Variants in GMDS observed in about 807,000 individuals in gnomAD.
GMDS encodes GDP-mannose 4,6 dehydratase.
A neutral mutation model predicts 49.9 loss-of-function variants in GMDS; 20 were observed. The observed-to-expected ratio is 0.40, with a 90% confidence interval of 0.28 to 0.58. GMDS has a LOEUF of 0.58. Among genes scored for constraint, GMDS ranks in the 20% least tolerant of loss-of-function variants. The pLI is 0.42. For missense variants in GMDS, 362 were observed against 481.4 expected (o/e 0.75, Z 2.32); for synonymous variants, 177 against 178.6 (o/e 0.99, Z 0.07).
chr6:1,907,623 CCT>C (rs1332755352), intron 7 of GMDS, among the ~76,000 whole-genome samples: 1 of 152,116 alleles, frequency 6.6e-6, no homozygotes, highest in Non-Finnish European at 1.5e-5. Context: ...CAAATAATTT[CCT>C]AAAGCAACCA....
intron 7 of GMDS, among the ~76,000 whole-genome samples, chr6:1,757,451 G>A (rs1284187951): frequency 1.3e-5 from 2 of 152,136 alleles, no homozygotes; most frequent in Non-Finnish European, 2.9e-5. Context: ...TAAAAGCTCT[G>A]GGCATGCAGG....
intron 4 of GMDS, among the ~76,000 whole-genome samples, chr6:2,026,814 C>T (rs1768630299): frequency 6.6e-6 from 1 of 152,050 alleles, no homozygotes; most frequent in African/African-American, 2.4e-5. Context: ...TTAATCAAGC[C>T]GAAATTATAT....
chr6:2,169,621 C>CAA (rs556634869), intron 1 of GMDS, among the ~76,000 whole-genome samples: 3,791 of 73,534 alleles, frequency 0.052, 140 homozygotes, highest in East Asian at 0.21. Flanking sequence ...CACCAGGCAG[C>CAA]AAAAAAAAAA....
intron 4 of GMDS, among the ~76,000 whole-genome samples, chr6:2,097,554 A>G (rs1237880572): frequency 1.3e-5 from 2 of 152,206 alleles, no homozygotes; most frequent in Admixed American, 1.3e-4. Context: ...AACTGCTGTC[A>G]CACACATGCT....
At chr6:1,853,666 G>GCCAC (rs1757814446) in intron 7 of GMDS, among the ~76,000 whole-genome samples, 1 of 152,104 alleles carries the variant, frequency 6.6e-6, no homozygotes, top group South Asian at 2.1e-4. Context: ...AGTAGCCACA[G>GCCAC]AGCCTAATGA....
chr6:2,163,198 C>G (rs1007651508), intron 1 of GMDS, among the ~76,000 whole-genome samples: 2 of 152,074 alleles, frequency 1.3e-5, no homozygotes, highest in Non-Finnish European at 2.9e-5. Context: ...TGAACAGGGA[C>G]TATAAAAATT....
At chr6:1,832,051 G>A (rs1651935924) in intron 7 of GMDS, among the ~76,000 whole-genome samples, 1 of 151,962 alleles carries the variant, frequency 6.6e-6, no homozygotes, top group Non-Finnish European at 1.5e-5. Context: ...ACTAAGTGAA[G>A]GTAGGGTACA....
intron 9 of GMDS, among the ~76,000 whole-genome samples, chr6:1,628,172 T>G (rs759543902): frequency 6.6e-6 from 1 of 152,232 alleles, no homozygotes; most frequent in South Asian, 2.1e-4. Context: ...CTTGTTAAAG[T>G]GAACTGATAA....
chr6:2,145,455 T>C (rs1776505896), intron 1 of GMDS, among the ~76,000 whole-genome samples: 1 of 151,978 alleles, frequency 6.6e-6, no homozygotes, highest in Non-Finnish European at 1.5e-5. Context: ...GGAGAATTGC[T>C]TGAACCCAGG....
intron 4 of GMDS, among the ~76,000 whole-genome samples, chr6:2,063,275 T>C (rs1332863165): frequency 6.6e-6 from 1 of 152,260 alleles, no homozygotes; most frequent in Non-Finnish European, 1.5e-5. Flanking sequence ...TAGTATACTC[T>C]GGTACTTCTG....
chr6:1,795,865 A>T (rs1404279221), intron 7 of GMDS, among the ~76,000 whole-genome samples: 2 of 152,234 alleles, frequency 1.3e-5, no homozygotes, highest in African/African-American at 4.8e-5. Context: ...AAGCACTCAG[A>T]TGAATGCTAA....
chr6:1,688,546 C>A (rs181154666), intron 9 of GMDS, among the ~76,000 whole-genome samples: 1 of 152,240 alleles, frequency 6.6e-6, no homozygotes, highest in Non-Finnish European at 1.5e-5. Context: ...AACCTCTCCA[C>A]GCTCTTCAAA....
chr6:1,829,693 G>A (rs1219597185), intron 7 of GMDS, among the ~76,000 whole-genome samples: 1 of 152,188 alleles, frequency 6.6e-6, no homozygotes, highest in African/African-American at 2.4e-5. Context: ...ACCCTCCTCG[G>A]CCTCCCAAAA....
intron 9 of GMDS, 144 bp from the exon 10 acceptor site, chr6:1,624,684 C>G (rs1172326961): frequency 6.4e-6 from 4 of 628,508 alleles, no homozygotes; most frequent in Non-Finnish European, 1.1e-5. Context: ...CTGCTGTGCG[C>G]GTTCAGTTGC....
intron 7 of GMDS, among the ~76,000 whole-genome samples, chr6:1,853,480 T>A (rs1324951862): frequency 7.6e-6 from 1 of 131,750 alleles, no homozygotes; most frequent in Non-Finnish European, 1.5e-5. Flanking sequence ...ATCGCGCCAC[T>A]GCACTCCAGC....
chr6:2,108,455 G>A (rs1774362367), intron 4 of GMDS, among the ~76,000 whole-genome samples: 1 of 152,012 alleles, frequency 6.6e-6, no homozygotes, highest in Non-Finnish European at 1.5e-5. Flanking sequence ...GTGGATTTCT[G>A]TTGTCTGTAT....
Position 1,921,119 on chromosome 6 carries a change from T to C in GMDS, c.771+8984A>G, listed in dbSNP as rs148189986. On this transcript the variant is annotated intron_variant, in intron 7 of 10. Transcript: ENST00000380815. Reference sequence around the variant, plus strand: ...AGTTTCATAACCCTCATAATCCACGTCCACAGGCACTATACCTAACCCATT... The same window carrying C: ...AGTTTCATAACCCTCATAATCCACGCCCACAGGCACTATACCTAACCCATT... Among the ~76,000 whole-genome samples the C allele has an allele frequency of 3.0e-3, 451 of 152,330 alleles. 4 individuals are homozygous for C. Among genetic ancestry groups the C allele is most frequent in the African/African-American group, 0.01 (426 of 41,578 alleles).
chr6:1,660,648 C>T (rs990112265), intron 9 of GMDS, among the ~76,000 whole-genome samples: 1 of 150,022 alleles, frequency 6.7e-6, no homozygotes, highest in Admixed American at 6.8e-5. Context: ...CTGCGAGACG[C>T]GGGGATGCAG....
chr6:1,776,589 G>A (rs1439741626), intron 7 of GMDS, among the ~76,000 whole-genome samples: 1 of 152,102 alleles, frequency 6.6e-6, no homozygotes, highest in African/African-American at 2.4e-5. Flanking sequence ...CTACTCAGGA[G>A]GATCACTCTG....
Sources: gnomAD v4.1 joint callset for allele counts (sites outside exome capture counted in the v4.1 genomes callset) on GRCh38, gnomAD v4.1.1 for gene constraint, MANE v1.5 for transcripts, NCBI Gene and HGNC (gene_info 2026-07-23, HGNC 2026-07-21) for gene names.